Variants in FBXO25 observed in about 807,000 individuals in gnomAD.
FBXO25 encodes F-box protein 25, also known as F-box only protein 25.
A neutral mutation model predicts 51.9 loss-of-function variants in FBXO25; 45 were observed. The ratio of observed to expected loss-of-function variants is 0.87; its 90% CI spans 0.68 to 1.11. FBXO25 has a LOEUF of 1.11. Among genes scored for constraint, FBXO25 ranks in the 50% most tolerant of loss-of-function variants. FBXO25 has a pLI of 0.00. For missense variants in FBXO25, 507 were observed against 428.5 expected, an observed-to-expected ratio of 1.18 and a Z score of -1.62; for synonymous variants, 199 against 151.0, an observed-to-expected ratio of 1.32 and a Z score of -2.33.
intron 5 of FBXO25, among the ~76,000 whole-genome samples, chr8:444,096 C>T (rs910446950): frequency 6.6e-6 from 1 of 152,186 alleles, no homozygotes. Flanking sequence ...GGCATTACAG[C>T]ATTGAAAGGG....
At chr8:411,960 G>T (rs1184397388) in intron 1 of FBXO25, among the ~76,000 whole-genome samples, 1 of 152,142 alleles carries the variant, frequency 6.6e-6, no homozygotes, top group Non-Finnish European at 1.5e-5. Context: ...GAACTAAGAT[G>T]GGACTAAGCA....
intron 2 of FBXO25, among the ~76,000 whole-genome samples, chr8:425,551 G>C (rs1479339547): frequency 6.7e-6 from 1 of 149,614 alleles, no homozygotes; most frequent in Admixed American, 6.6e-5. Flanking sequence ...TCTTTCTTTT[G>C]GTTCACTTAT....
intron 2 of FBXO25, among the ~76,000 whole-genome samples, chr8:417,155 G>C (rs1027390641): frequency 2.0e-5 from 3 of 152,236 alleles, no homozygotes; most frequent in Non-Finnish European, 4.4e-5. Context: ...TAGGAGACAA[G>C]ATCCCAGCCT....
In FBXO25 at chr8:472,077, TTCGCTGGCTAGAA is replaced by T. The variant is rs1800502939; in HGVS notation, c.*3276_*3288del. 6.6e-6 allele frequency: 1 copy of T among 152,204 alleles called. No individual in the cohort carries two copies. The allele number at this position is 152,204 out of a possible 1,614,324, so 9.4% of individuals were successfully genotyped here. On this transcript the variant is annotated 3_prime_UTR_variant, in exon 10 of 10. Coordinates refer to ENST00000350302, the MANE Select transcript of FBXO25 (RefSeq NM_183420.2). ...TGTCCTTTATTCTTTCTTACCCCGT[TTCGCTGGCTAGAA>T]TCTCTAGTACAATGTTGAATAGCAG...
At chr8:459,587 A>G (rs1585095842) in intron 8 of FBXO25, among the ~76,000 whole-genome samples, 1 of 152,298 alleles carries the variant, frequency 6.6e-6, no homozygotes, top group South Asian at 2.1e-4. Flanking sequence ...GGAAAATAAG[A>G]GTTATGGGCA....
intron 5 of FBXO25, among the ~76,000 whole-genome samples, chr8:439,994 C>T (rs1324344173): frequency 1.3e-5 from 2 of 152,158 alleles, no homozygotes; most frequent in Non-Finnish European, 2.9e-5. Context: ...ATAATTTCTA[C>T]TAATGACTAC....
chr8:445,723 C>G (rs1021019891), intron 5 of FBXO25, among the ~76,000 whole-genome samples: 2 of 152,138 alleles, frequency 1.3e-5, no homozygotes, highest in African/African-American at 2.4e-5. Context: ...ATACAGAAAA[C>G]TACCGGGCAT....
At chr8:420,930 T>C (rs1013198635) in intron 2 of FBXO25, among the ~76,000 whole-genome samples, 4 of 152,212 alleles carry the variant, frequency 2.6e-5, no homozygotes, top group African/African-American at 7.2e-5. Flanking sequence ...GTATGTGTTA[T>C]TGGGGGGAGT....
rs73669378 is a variant in FBXO25, at chr8:429,435, G to A, written c.135-1906G>A. On this transcript the variant is annotated intron_variant, in intron 2 of 9. Transcript: ENST00000350302. ...TTTTAAGTCAGAGTAGGTGATGTTT[G>A]TCTTGCTGGTGAAACAAAGGTTATA... Among the ~76,000 whole-genome samples the A allele has an allele frequency of 4.2e-3, 646 of 152,266 alleles. 2 individuals are homozygous for A. The highest frequency in any genetic ancestry group is 0.015 in the African/African-American group (620 of 41,558).
intron 5 of FBXO25, 71 bp downstream of exon 5, chr8:435,778 A>C (rs1425976362): frequency 1.9e-6 from 3 of 1,543,960 alleles, no homozygotes; most frequent in Admixed American, 2.2e-5. Context: ...TTGTAAGTGT[A>C]CAACGTTGAA....
At chr8:433,019 G>T in intron 4 of FBXO25, 84 bp downstream of exon 4, 1 of 1,411,044 alleles carries the variant, frequency 7.1e-7, no homozygotes, top group East Asian at 2.8e-5. Context: ...TATTAATAAA[G>T]TTGCATAAAA....
chr8:424,630 C>T (rs1458459175), intron 2 of FBXO25, among the ~76,000 whole-genome samples: 1 of 152,096 alleles, frequency 6.6e-6, no homozygotes, highest in Non-Finnish European at 1.5e-5. Flanking sequence ...GGTCTTTTTC[C>T]ACTGCTGTTT....
At chr8:435,775 T>C (rs914815426) in intron 5 of FBXO25, 68 bp downstream of exon 5, 3 of 1,545,138 alleles carry the variant, frequency 1.9e-6, no homozygotes, top group Non-Finnish European at 2.6e-6. Context: ...AGATTGTAAG[T>C]GTACAACGTT....
intron 7 of FBXO25, among the ~76,000 whole-genome samples, chr8:455,978 A>T (rs11996844): frequency 0.039 from 6,002 of 152,124 alleles, 333 homozygotes; most frequent in African/African-American, 0.12. Context: ...GTCACACCAG[A>T]CTCTATAACT....
At chr8:415,211 A>G (rs1796723567) in intron 2 of FBXO25, among the ~76,000 whole-genome samples, 1 of 152,196 alleles carries the variant, frequency 6.6e-6, no homozygotes, top group African/African-American at 2.4e-5. Context: ...TTAGGTAATC[A>G]AGATTCTACG....
At position 475,994 on chromosome 8, in the gene FBXO25, A is replaced by G. The variant is rs887178357; in HGVS notation, c.*7190A>G. The G allele has an allele frequency of 6.6e-6, 1 of 152,146 alleles. No individual in the cohort carries two copies. Among genetic ancestry groups the G allele is most frequent in the African/African-American group, 2.4e-5 (1 of 41,438 alleles). 9.4% of individuals were successfully genotyped at this position (152,146 alleles called of 1,614,324 possible). On this transcript the variant is annotated 3_prime_UTR_variant, in exon 10 of 10. Coordinates refer to ENST00000350302, the MANE Select transcript of FBXO25 (RefSeq NM_183420.2). The stretch of plus-strand genomic sequence containing the variant: ...CTTAAAGTCCTTTCAGTCTTATTGA[A>G]TATGATGTTTACAGTGGGATGTTCA...
chr8:456,412 A>G (rs1486304772), intron 7 of FBXO25, among the ~76,000 whole-genome samples: 1 of 152,038 alleles, frequency 6.6e-6, no homozygotes, highest in East Asian at 1.9e-4. Context: ...CATATGCTAG[A>G]CGATAAAGAT....
chr8:444,701 G>C (rs1434848171), intron 5 of FBXO25, among the ~76,000 whole-genome samples: 1 of 152,050 alleles, frequency 6.6e-6, no homozygotes, highest in African/African-American at 2.4e-5. Context: ...GTCAATGACC[G>C]ACCGCGTGTA....
At position 473,869 on chromosome 8, in the gene FBXO25, A is replaced by G. The variant is rs1484408694; in HGVS notation, c.*5065A>G. On this transcript the variant is annotated 3_prime_UTR_variant, in exon 10 of 10. Transcript: ENST00000350302. ...TCATTTGAGAAACTTGCACAGATGA[A>G]GGCAAGTTGGTTTTTATTATCTAAC... The G allele has an allele frequency of 6.6e-6, 1 of 152,228 alleles. No individual in the cohort carries two copies. Among genetic ancestry groups the G allele is most frequent in the Non-Finnish European group, 1.5e-5 (1 of 68,040 alleles). 9.4% of individuals were successfully genotyped at this position (152,228 alleles called of 1,614,324 possible).
Sources: allele counts gnomAD v4.1 joint callset (sites outside exome capture counted in the v4.1 genomes callset), GRCh38; gene constraint gnomAD v4.1.1; transcripts MANE v1.5; gene names NCBI Gene and HGNC (gene_info 2026-07-23, HGNC 2026-07-21).